Variants in RARB observed in about 807,000 individuals in gnomAD.
RARB encodes HBV-activated protein.
A neutral mutation model predicts 51.9 loss-of-function variants in RARB; 17 were observed. The ratio of observed to expected loss-of-function variants is 0.33; its 90% CI spans 0.22 to 0.49. The LOEUF (loss-of-function observed/expected upper bound fraction) is 0.49, where lower values mean the gene tolerates loss of function less well. RARB is among the 20% of genes least tolerant of loss of function. The probability of loss-of-function intolerance (pLI) is 0.99; values close to 1 mark genes in which losing one functional copy is unlikely to be tolerated. For synonymous variants in RARB, 215 were observed against 195.4 expected (o/e 1.10, Z -0.84); for missense variants, 369 against 550.8 (o/e 0.67, Z 3.30).
At chr3:25,345,340 A>C (rs375767036) in intron 5 of RARB, among the ~76,000 whole-genome samples, 3 of 152,240 alleles carry the variant, frequency 2.0e-5, no homozygotes, top group South Asian at 4.1e-4. Context: ...TGTGCCCAAT[A>C]ATCATAATAT....
At chr3:25,049,149 G>T (rs1159316043) in intron 2 of RARB, among the ~76,000 whole-genome samples, 1 of 152,196 alleles carries the variant, frequency 6.6e-6, no homozygotes, top group South Asian at 2.1e-4. Context: ...AAGTTTTGTG[G>T]ATTAGGCTAG....
intron 2 of RARB, among the ~76,000 whole-genome samples, chr3:24,985,207 G>C (rs1305505243): frequency 1.3e-5 from 2 of 152,078 alleles, no homozygotes; most frequent in African/African-American, 4.8e-5. Flanking sequence ...TTGTTATCTT[G>C]AATCACATAA....
At chr3:25,207,780 C>T (rs1179220123) in intron 5 of RARB, among the ~76,000 whole-genome samples, 1 of 152,154 alleles carries the variant, frequency 6.6e-6, no homozygotes, top group Non-Finnish European at 1.5e-5. Context: ...AATTAAGACT[C>T]TTCAGAGGGA....
At chr3:25,003,902 C>G (rs1233160049) in intron 2 of RARB, among the ~76,000 whole-genome samples, 1 of 152,102 alleles carries the variant, frequency 6.6e-6, no homozygotes, top group African/African-American at 2.4e-5. Flanking sequence ...CAGCACTGAG[C>G]TTTTTCCTGG....
chr3:25,249,539 C>A (rs1455978985), intron 5 of RARB, among the ~76,000 whole-genome samples: 2 of 151,876 alleles, frequency 1.3e-5, no homozygotes, highest in Admixed American at 6.6e-5. Flanking sequence ...GATATCTGTA[C>A]CTCTGATATA....
upstream of RARB, among the ~76,000 whole-genome samples, chr3:25,425,689 A>T (rs2125509814): frequency 6.6e-6 from 1 of 152,310 alleles, no homozygotes; most frequent in Middle Eastern, 3.4e-3. Context: ...ACACACAGAG[A>T]GAGACACACT....
chr3:25,493,605 A>G (rs1200490920), intron 2 of RARB, among the ~76,000 whole-genome samples: 1 of 152,188 alleles, frequency 6.6e-6, no homozygotes, highest in African/African-American at 2.4e-5. Flanking sequence ...TGAGTGAGGA[A>G]AATATGACTA....
intron 3 of RARB, among the ~76,000 whole-genome samples, chr3:25,507,646 A>C (rs1170986731): frequency 2.0e-5 from 3 of 152,196 alleles, no homozygotes; most frequent in Admixed American, 2.0e-4. Context: ...AGCCCAGTTA[A>C]GAGGGAGAAG....
intron 5 of RARB, among the ~76,000 whole-genome samples, chr3:25,271,285 A>T (rs1187939854): frequency 3.3e-5 from 5 of 152,210 alleles, no homozygotes; most frequent in Non-Finnish European, 5.9e-5. Context: ...TTGCACAGGC[A>T]TGCTATGGTT....
chr3:25,367,638 A>G (rs1290813994), intron 5 of RARB, among the ~76,000 whole-genome samples: 2 of 134,212 alleles, frequency 1.5e-5, no homozygotes, highest in African/African-American at 5.8e-5. Flanking sequence ...CAACATGGTA[A>G]AAACCCATCT....
intron 2 of RARB, among the ~76,000 whole-genome samples, chr3:24,897,632 G>A (rs577925926): frequency 5.3e-5 from 8 of 152,194 alleles, no homozygotes; most frequent in East Asian, 3.9e-4. Flanking sequence ...ATAACTTTAC[G>A]TGGTGGTTAT....
At chr3:25,294,929 A>T (rs1435753326) in intron 5 of RARB, among the ~76,000 whole-genome samples, 1 of 152,178 alleles carries the variant, frequency 6.6e-6, no homozygotes, top group Non-Finnish European at 1.5e-5. Context: ...GTGTATACAC[A>T]GATAATAGTG....
intron 5 of RARB, among the ~76,000 whole-genome samples, chr3:25,316,031 C>T (rs1375894924): frequency 6.6e-6 from 1 of 152,130 alleles, no homozygotes; most frequent in Non-Finnish European, 1.5e-5. Flanking sequence ...AGACTGGACT[C>T]TGGTTTATAT....
At chr3:25,124,235 G>A (rs1699828299) in intron 3 of RARB, among the ~76,000 whole-genome samples, 1 of 152,156 alleles carries the variant, frequency 6.6e-6, no homozygotes, top group South Asian at 2.1e-4. Context: ...TTAGCTGGGT[G>A]TCATGGCAGG....
intron 3 of RARB, among the ~76,000 whole-genome samples, chr3:25,102,551 A>T (rs1231710228): frequency 6.6e-6 from 1 of 152,056 alleles, no homozygotes; most frequent in African/African-American, 2.4e-5. Flanking sequence ...AAAAAAAATG[A>T]AAATAGAAAT....
intron 2 of RARB, among the ~76,000 whole-genome samples, chr3:24,900,992 A>G (rs1448127237): frequency 5.3e-5 from 8 of 152,372 alleles, no homozygotes; most frequent in East Asian, 1.9e-4. Context: ...TAACGCAACC[A>G]GGACTTAAAA....
intron 5 of RARB, among the ~76,000 whole-genome samples, chr3:25,199,816 G>T (rs1162041723): frequency 3.9e-5 from 6 of 152,182 alleles, no homozygotes; most frequent in Non-Finnish European, 7.3e-5. Flanking sequence ...CCGTGTATAT[G>T]TGCCACATTT....
In RARB at chr3:25,391,145, T is replaced by C. The variant is rs1155108; in HGVS notation, c.179-70048T>C. ...CCTACTTATAAGTGAGAATATACAATGTTTGGTTTTCCATTCCAGAGTGAC... is the reference window on the plus strand; with the variant it reads ...CCTACTTATAAGTGAGAATATACAACGTTTGGTTTTCCATTCCAGAGTGAC... On this transcript the variant is annotated intron_variant, in intron 5 of 11. Coordinates refer to the RARB transcript ENST00000383772. Among the ~76,000 whole-genome samples the C allele has an allele frequency of 8.5e-3, 1,296 of 152,310 alleles. 7 individuals are homozygous for C. The highest frequency in any genetic ancestry group is 0.013 in the Non-Finnish European group (898 of 68,012).
At chr3:25,334,120 C>T (rs947886271) in intron 5 of RARB, among the ~76,000 whole-genome samples, 3 of 152,232 alleles carry the variant, frequency 2.0e-5, no homozygotes, top group East Asian at 1.9e-4. Context: ...GACAGTGTGG[C>T]GATTCCTCAG....
Sources: allele counts gnomAD v4.1 joint callset (sites outside exome capture counted in the v4.1 genomes callset), GRCh38; gene constraint gnomAD v4.1.1; transcripts MANE v1.5; gene names NCBI Gene and HGNC (gene_info 2026-07-23, HGNC 2026-07-21).